NUP188: variants seen among roughly 807,000 people sequenced by gnomAD.
The protein encoded by NUP188 is nucleoporin 188.
NUP188 carries 97 observed loss-of-function variants against 223.0 expected under a neutral mutation model. The observed-to-expected ratio is 0.43, with a 90% CI of 0.37 to 0.51. The LOEUF (loss-of-function observed/expected upper bound fraction) is 0.51. Among genes scored for constraint, NUP188 ranks in the 20% least tolerant of loss-of-function variants. The pLI is 0.00. For synonymous variants in NUP188, 869 were observed against 828.0 expected, an observed-to-expected ratio of 1.05 and a Z score of -0.85; for missense variants, 1,947 against 2,175.6, an observed-to-expected ratio of 0.89 and a Z score of 2.09.
chr9:128,953,275 C>T (rs1185091835), intron 3 of NUP188, among the ~76,000 whole-genome samples: 1 of 152,156 alleles, frequency 6.6e-6, no homozygotes, highest in Non-Finnish European at 1.5e-5. Flanking sequence ...CCACAACACC[C>T]CTTTGAGATA....
rs1842241406 is a variant in NUP188 at position 128,980,662 on chromosome 9, C to G, written c.1326C>G (p.His442Gln). Reference protein sequence around the residue: ...ILDSVCGMFPHLLSPLLQLLR... With the variant: ...ILDSVCGMFPQLLSPLLQLLR... The stretch of plus-strand genomic sequence containing the variant: ...ACAGTGTGTGTGGAATGTTTCCCCA[C>G]CTTCTCTCCCCACTCCTGCAACTGC... Residue 442 changes from histidine to glutamine, a missense_variant, in exon 14 of 44, where the codon CAC becomes CAG. His to Gln is a conservative substitution (Grantham distance 24, BLOSUM62 0). Around this residue, in one of 3 missense-constraint regions of NUP188, gnomAD observed 817 missense variants for 865.8 expected, o/e 0.94. Transcript: ENST00000372577. 6.2e-7 allele frequency: 1 copy of G among 1,614,006 alleles called. No individual in the cohort carries two copies. The highest frequency in any genetic ancestry group is 2.2e-5 in the East Asian group (1 of 44,886).
rs1240313059 is a variant in NUP188, at chr9:129,006,584, A to G, written c.5156A>G (p.Gln1719Arg). Residue 1719 changes from glutamine to arginine, a missense_variant, in exon 44 of 44, where the codon CAG becomes CGG. Gln to Arg is a conservative substitution (Grantham distance 43). Coordinates refer to ENST00000372577, the MANE Select transcript of NUP188 (RefSeq NM_015354.3). ...GCCACTGGTGTCCTCCCCTCGCCGCAGGGCAAGTCCACCTCTCTCTCCAAA... is the reference window on the plus strand; with the variant it reads ...GCCACTGGTGTCCTCCCCTCGCCGCGGGGCAAGTCCACCTCTCTCTCCAAA... ...SPATGVLPSP[Q>R]GKSTSLSKAS... 2 of 1,614,122 alleles carry G rather than the reference A, an allele frequency of 1.2e-6. No individual in the cohort carries two copies. The highest frequency in any genetic ancestry group is 1.1e-5 in the South Asian group (1 of 91,080).
chr9:128,950,999 ATTC>A (rs1191555227), intron 2 of NUP188, among the ~76,000 whole-genome samples: 32 of 151,462 alleles, frequency 2.1e-4, no homozygotes, highest in Non-Finnish European at 2.9e-5. Context: ...TGCAAATACC[ATTC>A]TTCTACCTCA....
chr9:128,979,449 A>C, intron 13 of NUP188, 122 bp downstream of exon 13: 1 of 618,932 alleles, frequency 1.6e-6, no homozygotes, highest in East Asian at 3.1e-5. Flanking sequence ...AAACGTATGA[A>C]GTAGATACTA....
Position 129,001,393 on chromosome 9 carries a change from C to T in NUP188, c.3844-136C>T. On this transcript the variant is annotated intron_variant, in intron 34 of 43. Coordinates refer to ENST00000372577, the MANE Select transcript of NUP188 (RefSeq NM_015354.3). ...GAGGGGCAGGGTGGGAGAGAGTGTG[C>T]ATTCTGTGTTACTCAAGCTCACTTA... 4.3e-6 allele frequency: 3 copies of T among 705,702 alleles called. No individual in the cohort carries two copies. The South Asian group carries it at 5.0e-5, about 12-fold the overall frequency. 43.7% of individuals were successfully genotyped at this position (705,702 alleles called of 1,614,324 possible). A position where few individuals can be genotyped will look rare whatever the true frequency, so the allele number is the denominator to read the frequency against.
intron 33 of NUP188, 59 bp from the exon 34 acceptor site, chr9:128,999,565 G>C (rs946090833): frequency 6.5e-7 from 1 of 1,546,726 alleles, no homozygotes; most frequent in African/African-American, 1.4e-5. Flanking sequence ...GGAAACCTTG[G>C]TGTACAGTGA....
chr9:128,979,385 C>A, intron 13 of NUP188, 58 bp downstream of exon 13: 1 of 1,309,632 alleles, frequency 7.6e-7, no homozygotes, highest in Non-Finnish European at 1.1e-6. Context: ...CACTTGTTTT[C>A]TTACAGGTTT....
intron 8 of NUP188, among the ~76,000 whole-genome samples, chr9:128,959,860 G>A (rs887521487): frequency 4.6e-5 from 7 of 151,870 alleles, no homozygotes; most frequent in African/African-American, 1.7e-4. Context: ...CTTGAGAAAA[G>A]TTTAAACATG....
In NUP188 at chr9:128,983,532, G is replaced by A. The variant is rs939517846; in HGVS notation, c.1943G>A (p.Ser648Asn). The change falls in exon 19 of 44, where the codon AGC (serine) becomes AAC (asparagine). Residue 648 changes from serine (S) to asparagine (N), a missense_variant. Transcript: ENST00000372577. ...FLPFVAHPVS[S>N]LSQMISAEGM... ...CCATTTGTGGCCCATCCTGTCTCCA[G>A]CCTGAGTCAGATGATTAGGTGAGCC... The A allele has an allele frequency of 5.0e-6, 8 of 1,614,002 alleles. No individual in the cohort carries two copies. The highest frequency in any genetic ancestry group is 6.8e-6 in the Non-Finnish European group (8 of 1,179,934).
At chr9:128,979,362 A>C in intron 13 of NUP188, 35 bp downstream of exon 13, 1 of 1,479,900 alleles carries the variant, frequency 6.8e-7, no homozygotes, top group Non-Finnish European at 9.4e-7. Context: ...GCATAGCAAA[A>C]GAATTGTTCA....
intron 21 of NUP188, 27 bp from the exon 22 acceptor site, chr9:128,986,782 C>T (rs745344100): frequency 1.2e-6 from 2 of 1,613,700 alleles, no homozygotes; most frequent in Non-Finnish European, 1.7e-6. Flanking sequence ...AAGGCCACAT[C>T]ATTCCTCTGT....
chr9:128,987,876 C>T (rs555472288), intron 23 of NUP188, among the ~76,000 whole-genome samples, 159 bp downstream of exon 23: 17 of 152,272 alleles, frequency 1.1e-4, no homozygotes, highest in African/African-American at 3.9e-4. Flanking sequence ...TATAGATTGG[C>T]GTATAGCAAA....
At chr9:128,974,738 G>A (rs368212805) in intron 12 of NUP188, among the ~76,000 whole-genome samples, 10 of 149,318 alleles carry the variant, frequency 6.7e-5, no homozygotes, top group South Asian at 4.2e-4. Context: ...CATTACAACC[G>A]TTATCACACA....
At position 128,963,294 on chromosome 9, in the gene NUP188, T is replaced by C. The variant is rs868557938; in HGVS notation, c.585+4160T>C. Among the ~76,000 whole-genome samples, 498 of 151,044 alleles carry C rather than the reference T, an allele frequency of 3.3e-3. 2 individuals carry two copies. The highest frequency in any genetic ancestry group is 0.012 in the African/African-American group (483 of 41,222). ...GTCGTAAATGTAAATTTTTTTTTTT[T>C]TTTTTTTTTGAGACGGAGTCTCGCT... is the stretch of plus-strand genomic sequence containing the variant. On this transcript the variant is annotated intron_variant, in intron 8 of 43. Coordinates refer to ENST00000372577, the MANE Select transcript of NUP188 (RefSeq NM_015354.3).
chr9:128,970,638 T>C (rs1207370183), intron 10 of NUP188, 120 bp from the exon 11 acceptor site: 3 of 753,894 alleles, frequency 4.0e-6, no homozygotes, highest in Non-Finnish European at 6.8e-6. Flanking sequence ...GAGTGAAATA[T>C]CAGAATGAGA....
intron 8 of NUP188, among the ~76,000 whole-genome samples, chr9:128,964,905 G>A (rs1224806245): frequency 1.3e-5 from 2 of 151,570 alleles, no homozygotes; most frequent in African/African-American, 4.8e-5. Flanking sequence ...ATGGGGTTTC[G>A]CCATGTTGGC....
In NUP188 at chr9:128,979,262, G is replaced by A; in HGVS notation, c.1204G>A (p.Asp402Asn). 6.2e-7 allele frequency: 1 copy of A among 1,609,302 alleles called. No individual in the cohort carries two copies. Among genetic ancestry groups the A allele is most frequent in the Non-Finnish European group, 8.5e-7 (1 of 1,176,438 alleles). The change falls in exon 13 of 44, where the codon GAT becomes AAT. Residue 402 changes from aspartate to asparagine, a missense_variant and splice_region_variant. Transcript: ENST00000372577. ...LELHTLGNQQ[D>N]IIDTACEVLA... ...CATTTTTCTTCCCTTCCTCAAACAG[G>A]ATATAATTGATACAGCATGTGAAGT...
At chr9:128,993,068 C>T in intron 25 of NUP188, 129 bp from the exon 26 acceptor site, 2 of 726,222 alleles carry the variant, frequency 2.8e-6, no homozygotes, top group South Asian at 1.6e-5. Context: ...CCCTTTTAGC[C>T]CAGAGCTGTA....
At chr9:129,003,217 T>C in intron 37 of NUP188, 100 bp from the exon 38 acceptor site, 1 of 1,415,774 alleles carries the variant, frequency 7.1e-7, no homozygotes, top group Non-Finnish European at 9.6e-7. Flanking sequence ...AACTCAGCAT[T>C]TGGGGGCCTG....
Sources: gnomAD v4.1 joint callset for allele counts (sites outside exome capture counted in the v4.1 genomes callset) on GRCh38, gnomAD v4.1.1 for gene constraint, gnomAD v4.1.1 regional missense constraint, MANE v1.5 for transcripts, NCBI Gene and HGNC (gene_info 2026-07-23, HGNC 2026-07-21) for gene names.